FCHSD2: variants seen among roughly 807,000 people sequenced by gnomAD.
FCHSD2 encodes FCH and double SH3 domains 2, also known as F-BAR and double SH3 domains protein 2.
Under a neutral mutation model 108.1 loss-of-function variants are expected in FCHSD2, and 38 were observed. That is an observed-to-expected ratio of 0.35 (90% CI 0.27 to 0.46). The LOEUF (loss-of-function observed/expected upper bound fraction) is 0.46, where lower values mean the gene tolerates loss of function less well. FCHSD2 is among the 20% of genes least tolerant of loss of function. FCHSD2 has a pLI of 1.00. For synonymous variants in FCHSD2, 279 were observed against 314.7 expected, an observed-to-expected ratio of 0.89 and a Z score of 1.20; for missense variants, 751 against 897.8, an observed-to-expected ratio of 0.84 and a Z score of 2.09.
intron 15 of FCHSD2, 48 bp from the exon 16 acceptor site, chr11:72,843,376 C>A: frequency 1.2e-6 from 2 of 1,610,440 alleles, no homozygotes; most frequent in Non-Finnish European, 1.7e-6. Context: ...ACAATTTAGA[C>A]AGGGCACAAC....
At chr11:72,851,101 CAAA>C (rs55916551) in intron 13 of FCHSD2, among the ~76,000 whole-genome samples, 2 of 70,106 alleles carry the variant, frequency 2.9e-5, no homozygotes, top group African/African-American at 6.1e-5. Context: ...GACTCTGTCT[CAAA>C]AAAAAAAAAA....
chr11:73,083,249 G>A (rs1859737811), intron 3 of FCHSD2, among the ~76,000 whole-genome samples: 1 of 152,076 alleles, frequency 6.6e-6, no homozygotes, highest in African/African-American at 2.4e-5. Context: ...ATCAAAATGA[G>A]ACAGAAATAA....
intron 8 of FCHSD2, among the ~76,000 whole-genome samples, chr11:72,928,918 T>C (rs1325430990): frequency 6.8e-6 from 1 of 148,104 alleles, no homozygotes; most frequent in Non-Finnish European, 1.5e-5. Flanking sequence ...TTCCCCTTCC[T>C]GTGTCCATGT....
intron 3 of FCHSD2, among the ~76,000 whole-genome samples, chr11:73,037,240 C>T (rs1433986100): frequency 6.6e-6 from 1 of 152,180 alleles, no homozygotes; most frequent in Non-Finnish European, 1.5e-5. Context: ...ACATCCCCCA[C>T]CACAGTGGTA....
At chr11:72,903,409 TG>T (rs1271017835) in intron 9 of FCHSD2, among the ~76,000 whole-genome samples, 12 of 151,998 alleles carry the variant, frequency 7.9e-5, no homozygotes, top group Non-Finnish European at 1.5e-4. Context: ...TTAGTAGAGA[TG>T]GGGTTTCACC....
At chr11:73,082,335 C>CCAAAAAAAAAAAAAAA (rs1466695525) in intron 3 of FCHSD2, among the ~76,000 whole-genome samples, 1 of 34,462 alleles carries the variant, frequency 2.9e-5, no homozygotes, top group African/African-American at 1.1e-4. Flanking sequence ...AGACTTGTCC[C>CCAAAAAAAAAAAAAAA]AAAAAAAAAA....
At chr11:72,870,899 C>CAAAAAAA (rs55827213) in intron 12 of FCHSD2, among the ~76,000 whole-genome samples, 4 of 77,014 alleles carry the variant, frequency 5.2e-5, no homozygotes, top group African/African-American at 5.4e-5. Context: ...GACTCCGTCT[C>CAAAAAAA]AAAAAAAAAA....
intron 13 of FCHSD2, among the ~76,000 whole-genome samples, chr11:72,861,473 T>G (rs367926797): frequency 6.6e-6 from 1 of 150,964 alleles, no homozygotes; most frequent in Non-Finnish European, 1.5e-5. Flanking sequence ...CGAAATTCCA[T>G]ACAATTCTAC....
chr11:72,875,492 T>A (rs906464717), intron 12 of FCHSD2, among the ~76,000 whole-genome samples: 1 of 152,136 alleles, frequency 6.6e-6, no homozygotes, highest in Non-Finnish European at 1.5e-5. Context: ...TGCCACCACA[T>A]CTAATGTTAA....
intron 9 of FCHSD2, among the ~76,000 whole-genome samples, chr11:72,910,613 T>A (rs1332808649): frequency 6.6e-6 from 1 of 152,160 alleles, no homozygotes; most frequent in African/African-American, 2.4e-5. Context: ...GTTAAACAGA[T>A]GCCTGAAGGC....
At chr11:72,909,068 C>T (rs981240261) in intron 9 of FCHSD2, among the ~76,000 whole-genome samples, 2 of 152,144 alleles carry the variant, frequency 1.3e-5, no homozygotes, top group African/African-American at 4.8e-5. Flanking sequence ...CCCTCCATCT[C>T]TCCGGTCTCC....
At chr11:73,019,699 A>G (rs1227867797) in intron 3 of FCHSD2, among the ~76,000 whole-genome samples, 1 of 152,198 alleles carries the variant, frequency 6.6e-6, no homozygotes, top group Non-Finnish European at 1.5e-5. Flanking sequence ...TCTAATCTGC[A>G]TGGATGCTCA....
At chr11:73,016,646 T>C (rs772435244) in intron 3 of FCHSD2, among the ~76,000 whole-genome samples, 19 of 152,216 alleles carry the variant, frequency 1.2e-4, no homozygotes, top group Non-Finnish European at 2.1e-4. Flanking sequence ...CAATTTGAAG[T>C]AGACAGATAT....
intron 3 of FCHSD2, among the ~76,000 whole-genome samples, chr11:73,063,705 A>G (rs1167822725): frequency 4.6e-5 from 7 of 152,206 alleles, no homozygotes; most frequent in Admixed American, 1.3e-4. Context: ...GGTATTACAT[A>G]TTGGTAAAGT....
At chr11:72,863,507 T>A (rs751235547) in intron 13 of FCHSD2, among the ~76,000 whole-genome samples, 1 of 152,142 alleles carries the variant, frequency 6.6e-6, no homozygotes, top group Non-Finnish European at 1.5e-5. Context: ...TAGGTTGGAC[T>A]TCATTAAAAT....
chr11:72,919,463 T>TA (rs1565322992), intron 9 of FCHSD2, among the ~76,000 whole-genome samples: 7 of 152,298 alleles, frequency 4.6e-5, no homozygotes, highest in Non-Finnish European at 4.4e-5. Flanking sequence ...CTAAAGAGAA[T>TA]ATAGTAGAAG....
At chr11:73,010,713 T>C (rs948328689) in intron 4 of FCHSD2, among the ~76,000 whole-genome samples, 7 of 152,192 alleles carry the variant, frequency 4.6e-5, no homozygotes, top group African/African-American at 1.7e-4. Context: ...TAGTGGGGCC[T>C]GTGGTAAAGT....
intron 13 of FCHSD2, among the ~76,000 whole-genome samples, chr11:72,866,086 T>C (rs187348808): frequency 6.6e-6 from 1 of 152,032 alleles, no homozygotes; most frequent in Non-Finnish European, 1.5e-5. Flanking sequence ...TGAAGGAAAA[T>C]CATGGGTTTG....
At position 72,843,342 on chromosome 11, in the gene FCHSD2, A is replaced by ATGTG. The variant is rs1861023547; in HGVS notation, c.1528-18_1528-15dup. ...TTTATTTCGAGCCTGGGTAAAAGACATGTGACAAAACAAGTTTACACACAC... is the reference window on the plus strand; with the variant it reads ...TTTATTTCGAGCCTGGGTAAAAGACATGTGTGTGACAAAACAAGTTTACACACAC... On this transcript the variant is annotated splice_polypyrimidine_tract_variant and intron_variant, in intron 15 of 19. Transcript: ENST00000409418. 6.2e-7 allele frequency: 1 copy of ATGTG among 1,607,208 alleles called. No homozygotes were observed. The highest frequency in any genetic ancestry group is 8.5e-7 in the Non-Finnish European group (1 of 1,175,346).
Sources: gnomAD v4.1 joint callset for allele counts (sites outside exome capture counted in the v4.1 genomes callset) on GRCh38, gnomAD v4.1.1 for gene constraint, MANE v1.5 for transcripts, NCBI Gene and HGNC (gene_info 2026-07-23, HGNC 2026-07-21) for gene names.